The following TADA2A variants were observed in gnomAD, a reference collection of about 807,000 sequenced individuals.
The protein encoded by TADA2A is transcriptional adaptor 2A.
A neutral mutation model predicts 67.4 loss-of-function variants in TADA2A; 38 were observed. The ratio of observed to expected loss-of-function variants is 0.56; its 90% CI spans 0.44 to 0.74. The LOEUF (loss-of-function observed/expected upper bound fraction) is 0.74. TADA2A is among the 30% of genes least tolerant of loss of function. The pLI, the probability that TADA2A is intolerant of heterozygous loss-of-function variation, is 0.00. For synonymous variants in TADA2A, 192 were observed against 181.6 expected, an observed-to-expected ratio of 1.06 and a Z score of -0.46; for missense variants, 454 against 547.0, an observed-to-expected ratio of 0.83 and a Z score of 1.70.
chr17:37,425,621 C>T (rs775124646), intron 3 of TADA2A, among the ~76,000 whole-genome samples: 3 of 151,950 alleles, frequency 2.0e-5, no homozygotes, highest in Non-Finnish European at 2.9e-5. Flanking sequence ...GATGTACTTT[C>T]GATTATAAGA....
chr17:37,437,709 GTTC>G lies in TADA2A; in HGVS notation c.193-26_193-24del, dbSNP rs1230518838. The G allele has an allele frequency of 1.9e-6, 3 of 1,606,526 alleles. No homozygotes were observed. The South Asian group carries it at 3.3e-5, about 18-fold the overall frequency. On this transcript the variant is annotated intron_variant, in intron 4 of 15. Transcript: ENST00000615182. ...GCCCCTAGATTCCATTTGTATCTCT[GTTC>G]TTAAGCAAAACTTTTTTCTCCTTAG...
intron 11 of TADA2A, 35 bp from the exon 12 acceptor site, chr17:37,467,419 G>C: frequency 6.3e-7 from 1 of 1,589,150 alleles, no homozygotes; most frequent in Non-Finnish European, 8.6e-7. Context: ...TTTTGTTTTT[G>C]TAATTTTTTC....
intron 4 of TADA2A, among the ~76,000 whole-genome samples, chr17:37,432,500 G>GTGTA (rs1348566607): frequency 1.3e-5 from 2 of 152,098 alleles, no homozygotes; most frequent in Non-Finnish European, 1.5e-5. Context: ...TATTCATGTT[G>GTGTA]TGTATGTTAC....
At chr17:37,472,731 A>G (rs1012986728) in intron 14 of TADA2A, among the ~76,000 whole-genome samples, 1 of 152,054 alleles carries the variant, frequency 6.6e-6, no homozygotes, top group Admixed American at 6.6e-5. Context: ...GTGTGGTGGT[A>G]CACATCTGTA....
chr17:37,411,576 CCA>C (rs1225502678), intron 2 of TADA2A, among the ~76,000 whole-genome samples, 186 bp downstream of exon 2: 2 of 152,046 alleles, frequency 1.3e-5, no homozygotes, highest in Non-Finnish European at 1.5e-5. Context: ...GCGCGCACCA[CCA>C]CACACAGCTA....
intron 8 of TADA2A, among the ~76,000 whole-genome samples, chr17:37,445,583 A>C (rs767731931): frequency 6.6e-6 from 1 of 152,186 alleles, no homozygotes; most frequent in South Asian, 2.1e-4. Context: ...GCTGAATTCT[A>C]ATCTTTGATT....
intron 8 of TADA2A, among the ~76,000 whole-genome samples, chr17:37,451,976 C>G (rs766751295): frequency 2.0e-5 from 3 of 150,858 alleles, no homozygotes; most frequent in African/African-American, 7.3e-5. Flanking sequence ...AAGAGCAAAA[C>G]TGTCTCAAAA....
At chr17:37,439,121 T>C (rs1044320780) in intron 5 of TADA2A, among the ~76,000 whole-genome samples, 2 of 152,136 alleles carry the variant, frequency 1.3e-5, no homozygotes. Flanking sequence ...TTTTTTTTTA[T>C]TGAGACAGTC....
chr17:37,458,912 A>G (rs1158651777), intron 9 of TADA2A, among the ~76,000 whole-genome samples: 1 of 151,982 alleles, frequency 6.6e-6, no homozygotes, highest in Non-Finnish European at 1.5e-5. Flanking sequence ...TCCTGGACTT[A>G]AGTGATCCTC....
At chr17:37,427,035 C>T in intron 4 of TADA2A, 26 bp downstream of exon 4, 1 of 1,555,582 alleles carries the variant, frequency 6.4e-7, no homozygotes, top group Non-Finnish European at 8.7e-7. Context: ...CTGGGAATTT[C>T]TGTTCACTTT....
chr17:37,408,994 A>C (rs2051768771), intron 1 of TADA2A, among the ~76,000 whole-genome samples: 1 of 152,252 alleles, frequency 6.6e-6, no homozygotes, highest in African/African-American at 2.4e-5. Context: ...AACATTTATT[A>C]GTCCACTACT....
At chr17:37,422,302 C>T (rs933221514) in intron 2 of TADA2A, among the ~76,000 whole-genome samples, 1 of 149,734 alleles carries the variant, frequency 6.7e-6, no homozygotes, top group African/African-American at 2.4e-5. Context: ...CCTCGGCCCC[C>T]CAAAGTGCTG....
intron 14 of TADA2A, among the ~76,000 whole-genome samples, chr17:37,474,238 CAAAAAT>C (rs2053848632): frequency 6.6e-6 from 1 of 151,968 alleles, no homozygotes; most frequent in Non-Finnish European, 1.5e-5. Flanking sequence ...GACCCTGTCT[CAAAAAT>C]AATAATAATA....
rs572944225 is a variant in TADA2A, at chr17:37,410,378, G to A, written c.-97-891G>A. Among the ~76,000 whole-genome samples the A allele has an allele frequency of 2.8e-5, 4 of 145,374 alleles. No homozygotes were observed. In the South Asian group the frequency reaches 6.7e-4, roughly 24 times the overall value. On this transcript the variant is annotated intron_variant, in intron 1 of 15. Transcript: ENST00000615182. The stretch of plus-strand genomic sequence containing the variant: ...TTTTTAAGAGATGGGGTCTCCCTAT[G>A]TTGCCCAGGCTGGTCTTGAACTCCT...
intron 3 of TADA2A, among the ~76,000 whole-genome samples, chr17:37,425,312 C>T (rs2052372079): frequency 6.6e-6 from 1 of 152,082 alleles, no homozygotes; most frequent in Admixed American, 6.6e-5. Flanking sequence ...AGGGAAGAAA[C>T]AATTTTTGTG....
chr17:37,431,073 G>GT (rs919854720), intron 4 of TADA2A, among the ~76,000 whole-genome samples: 2 of 151,780 alleles, frequency 1.3e-5, no homozygotes, highest in African/African-American at 2.4e-5. Context: ...TTAACAAAAG[G>GT]TATAACAAGT....
intron 8 of TADA2A, among the ~76,000 whole-genome samples, chr17:37,447,176 T>C (rs1325795757): frequency 1.3e-5 from 2 of 152,230 alleles, no homozygotes; most frequent in Non-Finnish European, 2.9e-5. Context: ...TTTTTATTTT[T>C]TTTGTGACAG....
chr17:37,424,376 A>G (rs1454249464), intron 3 of TADA2A, among the ~76,000 whole-genome samples: 3 of 149,318 alleles, frequency 2.0e-5, no homozygotes, highest in Admixed American at 6.7e-5. Flanking sequence ...TTTTTTTGAG[A>G]CGAAGTCTCG....
intron 3 of TADA2A, among the ~76,000 whole-genome samples, chr17:37,424,150 T>C (rs1380312949): frequency 6.6e-6 from 1 of 152,104 alleles, no homozygotes; most frequent in Non-Finnish European, 1.5e-5. Context: ...ACCTAATACT[T>C]GGCCGGGCAC....
Sources: gnomAD v4.1 joint callset for allele counts (sites outside exome capture counted in the v4.1 genomes callset) on GRCh38, gnomAD v4.1.1 for gene constraint, MANE v1.5 for transcripts, NCBI Gene and HGNC (gene_info 2026-07-23, HGNC 2026-07-21) for gene names.